The following ARHGEF3 variants were observed in gnomAD, a reference collection of about 807,000 sequenced individuals.
The protein encoded by ARHGEF3 is 59.8 kDA protein.
A neutral mutation model predicts 63.2 loss-of-function variants in ARHGEF3; 28 were observed. The ratio of observed to expected loss-of-function variants is 0.44; its 90% CI spans 0.33 to 0.61. ARHGEF3 has a LOEUF of 0.61. Among genes scored for constraint, ARHGEF3 ranks in the 20% least tolerant of loss-of-function variants. ARHGEF3 has a pLI of 0.03. For synonymous variants in ARHGEF3, 266 were observed against 254.2 expected, an observed-to-expected ratio of 1.05 and a Z score of -0.44; for missense variants, 533 against 659.3, an observed-to-expected ratio of 0.81 and a Z score of 2.10.
At chr3:56,730,966 A>C (rs147157987) in intron 9 of ARHGEF3, among the ~76,000 whole-genome samples, 2 of 152,330 alleles carry the variant, frequency 1.3e-5, no homozygotes, top group East Asian at 3.9e-4. Flanking sequence ...TCTGTATCTT[A>C]GTTTCTAACT....
chr3:56,810,687 C>T (rs1263526794), intron 4 of ARHGEF3, among the ~76,000 whole-genome samples: 10 of 151,916 alleles, frequency 6.6e-5, no homozygotes, highest in Admixed American at 5.9e-4. Context: ...AATTTGAAAA[C>T]CCATACATTT....
At chr3:56,736,964 G>A (rs1490569792) in intron 8 of ARHGEF3, among the ~76,000 whole-genome samples, 1 of 152,118 alleles carries the variant, frequency 6.6e-6, no homozygotes, top group African/African-American at 2.4e-5. Context: ...GCATGGTGGT[G>A]CGTGCCTGCA....
chr3:56,836,651 C>T (rs894786425), intron 4 of ARHGEF3, among the ~76,000 whole-genome samples: 6 of 152,144 alleles, frequency 3.9e-5, no homozygotes, highest in African/African-American at 1.2e-4. Context: ...GTGGGCCAGG[C>T]GCAGTAGCTT....
intron 3 of ARHGEF3, among the ~76,000 whole-genome samples, chr3:56,945,925 C>T (rs1291634243): frequency 1.3e-5 from 2 of 152,162 alleles, no homozygotes; most frequent in East Asian, 1.9e-4. Flanking sequence ...TCCTCTCAGA[C>T]AAAACTTCCA....
intron 3 of ARHGEF3, among the ~76,000 whole-genome samples, chr3:56,934,614 C>T (rs140918935): frequency 0.059 from 9,050 of 152,278 alleles, 937 homozygotes; most frequent in African/African-American, 0.21. Context: ...CCCGGGCCAG[C>T]GGCTGCGGAG....
intron 2 of ARHGEF3, among the ~76,000 whole-genome samples, chr3:56,989,092 G>A (rs1035935221): frequency 6.6e-6 from 1 of 152,174 alleles, no homozygotes; most frequent in Non-Finnish European, 1.5e-5. Flanking sequence ...CTGCTGGCCG[G>A]TATTAGAAAA....
intron 1 of ARHGEF3, among the ~76,000 whole-genome samples, chr3:57,054,684 A>AC (rs1445742871): frequency 7.2e-6 from 1 of 139,596 alleles, no homozygotes; most frequent in Admixed American, 7.4e-5. Context: ...TCACTCTGTC[A>AC]CCAGGCTGGA....
chr3:56,872,512 CTT>C (rs71621849), intron 4 of ARHGEF3, among the ~76,000 whole-genome samples: 56 of 137,348 alleles, frequency 4.1e-4, no homozygotes, highest in Admixed American at 1.8e-3. Context: ...TTTTCATATA[CTT>C]TTTTTTTTTT....
intron 4 of ARHGEF3, among the ~76,000 whole-genome samples, chr3:56,811,453 G>A (rs1418856510): frequency 6.6e-6 from 1 of 152,148 alleles, no homozygotes. Context: ...CAGGTTCGGG[G>A]ACTCCTGGCA....
At chr3:56,783,475 G>C (rs1474581045) in intron 1 of ARHGEF3, among the ~76,000 whole-genome samples, 1 of 152,122 alleles carries the variant, frequency 6.6e-6, no homozygotes, top group African/African-American at 2.4e-5. Context: ...GAAGACTCAA[G>C]CAAGTCATTA....
chr3:56,816,832 G>A (rs1264365756), intron 4 of ARHGEF3, among the ~76,000 whole-genome samples: 2 of 152,190 alleles, frequency 1.3e-5, no homozygotes, highest in Non-Finnish European at 2.9e-5. Flanking sequence ...TTAATTCACA[G>A]GCCAGTCACA....
chr3:57,020,224 A>G (rs1244658003), intron 2 of ARHGEF3, among the ~76,000 whole-genome samples: 8 of 152,154 alleles, frequency 5.3e-5, no homozygotes, highest in Non-Finnish European at 1.2e-4. Flanking sequence ...AACTTCAGGT[A>G]GGGACTTAAA....
chr3:56,808,665 AT>A (rs1394402083), intron 4 of ARHGEF3, among the ~76,000 whole-genome samples: 1 of 152,218 alleles, frequency 6.6e-6, no homozygotes, highest in Non-Finnish European at 1.5e-5. Context: ...TTTCAAAAAA[AT>A]AATAATATTG....
At chr3:57,077,154 C>G (rs1245741170) in intron 1 of ARHGEF3, among the ~76,000 whole-genome samples, 1 of 152,160 alleles carries the variant, frequency 6.6e-6, no homozygotes, top group Non-Finnish European at 1.5e-5. Flanking sequence ...GAATTGCATC[C>G]CAGCCTAAAG....
rs368145142 is a variant in ARHGEF3, at chr3:56,775,777, TAC to T, written c.97-1963_97-1962del. On this transcript the variant is annotated intron_variant, in intron 1 of 9. Transcript: ENST00000296315. ...AGAGCTGCACCACTAGCGTACTGAA[TAC>T]ACACACACACACACGCGCAAGCACA... The T allele has an allele frequency of 4.6e-3, 2,143 of 465,796 alleles. 3 individuals carry two copies. Among genetic ancestry groups the T allele is most frequent in the Middle Eastern group, 5.4e-3 (5 of 918 alleles). 28.9% of individuals were successfully genotyped at this position (465,796 alleles called of 1,614,324 possible). A position where few individuals can be genotyped will look rare whatever the true frequency, so the allele number is the denominator to read the frequency against.
chr3:57,007,103 C>G, intron 2 of ARHGEF3: 2 of 1,146,254 alleles, frequency 1.7e-6, no homozygotes, highest in African/African-American at 1.6e-5. Context: ...TGAAACCCAG[C>G]AAGGTGTACA....
Position 56,732,304 on chromosome 3 carries a change from C to T in ARHGEF3, c.1162G>A (p.Asp388Asn). The T allele has an allele frequency of 6.2e-7, 1 of 1,614,210 alleles. No individual in the cohort carries two copies. The highest frequency in any genetic ancestry group is 8.5e-7 in the Non-Finnish European group (1 of 1,180,036). Residue 388 changes from aspartate (D) to asparagine (N), a missense_variant, in exon 9 of 10, where the codon GAC becomes AAC. Physicochemically the swap from Asp to Asn is conservative, Grantham distance 23. Around this residue, in one of 4 missense-constraint regions of ARHGEF3, gnomAD observed 151 missense variants for 190.7 expected, o/e 0.79. Coordinates refer to ENST00000296315, the MANE Select transcript of ARHGEF3 (RefSeq NM_019555.3). ...PIPVKDLLLE[D>N]LQDGEVRLGG... ...AGCCTCACTTCTCCATCCTGGAGGTCTTCCAGCAGGAGGTCTTTCACGGGG... is the reference window on the plus strand; with the variant it reads ...AGCCTCACTTCTCCATCCTGGAGGTTTTCCAGCAGGAGGTCTTTCACGGGG...
intron 2 of ARHGEF3, among the ~76,000 whole-genome samples, chr3:56,770,761 A>G (rs1483896177): frequency 6.6e-6 from 1 of 152,222 alleles, no homozygotes; most frequent in Non-Finnish European, 1.5e-5. Flanking sequence ...ACCATTGTGA[A>G]TAACTCTTCT....
At chr3:57,071,478 G>A (rs1044930913) in intron 1 of ARHGEF3, among the ~76,000 whole-genome samples, 15 of 152,028 alleles carry the variant, frequency 9.9e-5, no homozygotes, top group Non-Finnish European at 1.5e-5. Context: ...TGGCCAACAT[G>A]GTGAAACCCC....
Sources: gnomAD v4.1 joint callset for allele counts (sites outside exome capture counted in the v4.1 genomes callset) on GRCh38, gnomAD v4.1.1 for gene constraint, gnomAD v4.1.1 regional missense constraint, MANE v1.5 for transcripts, NCBI Gene and HGNC (gene_info 2026-07-23, HGNC 2026-07-21) for gene names.